Variants in VPS13B observed in about 807,000 individuals in gnomAD.
The protein encoded by VPS13B is intermembrane lipid transfer protein VPS13B.
VPS13B carries 285 observed loss-of-function variants against 426.4 expected under a neutral mutation model. That is an observed-to-expected ratio of 0.67 (90% CI 0.61 to 0.74). The LOEUF is 0.74. Ranked by LOEUF, VPS13B falls within the 30% of genes least tolerant of loss-of-function variation. The pLI is 0.00. For missense variants in VPS13B, 4,537 were observed against 4,782.6 expected, an observed-to-expected ratio of 0.95 and a Z score of 1.51; for synonymous variants, 1,676 against 1,676.4, an observed-to-expected ratio of 1.00 and a Z score of 0.01.
chr8:99,044,896 ACACCAC>A (rs1314716515), intron 3 of VPS13B, among the ~76,000 whole-genome samples: 4 of 103,104 alleles, frequency 3.9e-5, no homozygotes, highest in African/African-American at 1.3e-4. Context: ...ACACACACAC[ACACCAC>A]CCCCCGCCCC....
intron 36 of VPS13B, 129 bp from the exon 37 acceptor site, chr8:99,717,042 G>T: frequency 3.5e-6 from 3 of 863,056 alleles, no homozygotes; most frequent in Non-Finnish European, 5.6e-6. Context: ...AAACGGTGGT[G>T]GACTGCCAAC....
intron 54 of VPS13B, among the ~76,000 whole-genome samples, chr8:99,837,562 G>A (rs148888174): frequency 6.6e-6 from 1 of 152,204 alleles, no homozygotes; most frequent in South Asian, 2.1e-4. Context: ...TTTGTAGTCA[G>A]GGATACTTCA....
intron 21 of VPS13B, among the ~76,000 whole-genome samples, chr8:99,425,026 A>G (rs1427271056): frequency 6.6e-6 from 1 of 152,212 alleles, no homozygotes; most frequent in African/African-American, 2.4e-5. Context: ...AAGAAGTTGC[A>G]TCTCTGAATA....
intron 15 of VPS13B, among the ~76,000 whole-genome samples, chr8:99,163,487 C>G (rs1811798834): frequency 6.6e-6 from 1 of 152,186 alleles, no homozygotes; most frequent in Admixed American, 6.5e-5. Flanking sequence ...GCACAGGAGC[C>G]CATGGAGTGG....
Position 99,556,355 on chromosome 8 carries a change from G to A in VPS13B, c.4746-95G>A, listed in dbSNP as rs191655954. The A allele has an allele frequency of 3.3e-5, 44 of 1,327,144 alleles. No individual in the cohort carries two copies. In the African/African-American group the frequency reaches 6.0e-4, roughly 18 times the overall value. The allele number at this position is 1,327,144 out of a possible 1,614,324, so 82.2% of individuals were successfully genotyped here. ...CATCAGTAATCCAAAGGAAAAAAAT[G>A]GTATTGACACTATGTTAGTGAACAA... On this transcript the variant is annotated intron_variant, in intron 30 of 61. Coordinates refer to ENST00000357162, the MANE Select transcript of VPS13B (RefSeq NM_152564.5).
At chr8:99,308,286 C>T (rs1008102381) in intron 19 of VPS13B, among the ~76,000 whole-genome samples, 1 of 151,914 alleles carries the variant, frequency 6.6e-6, no homozygotes, top group African/African-American at 2.4e-5. Flanking sequence ...CCCATTAACT[C>T]GTCATTTACA....
chr8:99,223,499 G>A (rs1815846531), intron 17 of VPS13B, among the ~76,000 whole-genome samples: 1 of 152,148 alleles, frequency 6.6e-6, no homozygotes. Flanking sequence ...TTAGCGAACA[G>A]AGAAGTAAAC....
At chr8:99,073,961 G>C (rs1844975857) in intron 3 of VPS13B, among the ~76,000 whole-genome samples, 1 of 151,734 alleles carries the variant, frequency 6.6e-6, no homozygotes, top group South Asian at 2.1e-4. Flanking sequence ...TGTAGAGATA[G>C]AGTCTCCCTA....
At chr8:99,499,911 G>C (rs1041275661) in intron 25 of VPS13B, among the ~76,000 whole-genome samples, 1 of 152,118 alleles carries the variant, frequency 6.6e-6, no homozygotes, top group Admixed American at 6.5e-5. Context: ...TCCCCATTGG[G>C]CCTCCTTCTG....
intron 33 of VPS13B, among the ~76,000 whole-genome samples, chr8:99,637,998 T>G (rs192805246): frequency 6.6e-6 from 1 of 152,240 alleles, no homozygotes; most frequent in East Asian, 1.9e-4. Flanking sequence ...TTTGACTGCT[T>G]AAGTACTTGA....
At chr8:99,314,866 A>G (rs988759189) in intron 19 of VPS13B, among the ~76,000 whole-genome samples, 1 of 152,202 alleles carries the variant, frequency 6.6e-6, no homozygotes, top group Non-Finnish European at 1.5e-5. Context: ...TGATCCCCTT[A>G]TTATTATATT....
At chr8:99,175,519 C>T (rs977057217) in intron 16 of VPS13B, among the ~76,000 whole-genome samples, 3 of 152,142 alleles carry the variant, frequency 2.0e-5, no homozygotes, top group Admixed American at 6.5e-5. Context: ...TGGTGGCTCA[C>T]GCCTCTAATT....
intron 34 of VPS13B, among the ~76,000 whole-genome samples, chr8:99,650,579 T>G (rs1829770702): frequency 6.6e-6 from 1 of 152,230 alleles, no homozygotes; most frequent in African/African-American, 2.4e-5. Flanking sequence ...GTACTGTTTT[T>G]TCCTACACAT....
At chr8:99,517,991 A>G (rs1822177860) in intron 29 of VPS13B, among the ~76,000 whole-genome samples, 1 of 152,030 alleles carries the variant, frequency 6.6e-6, no homozygotes, top group Admixed American at 6.6e-5. Context: ...TAATTATTTT[A>G]ATCTAGTTTA....
intron 3 of VPS13B, among the ~76,000 whole-genome samples, chr8:99,065,294 C>T (rs898049562): frequency 7.2e-5 from 11 of 152,166 alleles, no homozygotes; most frequent in African/African-American, 2.7e-4. Flanking sequence ...TCCAGCAGCA[C>T]ATCAAAAAGC....
intron 23 of VPS13B, among the ~76,000 whole-genome samples, chr8:99,454,584 C>T (rs932272270): frequency 6.6e-6 from 1 of 152,140 alleles, no homozygotes; most frequent in Non-Finnish European, 1.5e-5. Flanking sequence ...TTAAATAAAG[C>T]CGCTATATAC....
chr8:99,423,323 C>T (rs1032957898), intron 21 of VPS13B, among the ~76,000 whole-genome samples: 1 of 151,672 alleles, frequency 6.6e-6, no homozygotes, highest in Non-Finnish European at 1.5e-5. Flanking sequence ...GTGGGGCAAA[C>T]TTGACTCACT....
intron 3 of VPS13B, among the ~76,000 whole-genome samples, chr8:99,060,772 A>G (rs1236452589): frequency 6.6e-6 from 1 of 152,164 alleles, no homozygotes; most frequent in Non-Finnish European, 1.5e-5. Flanking sequence ...CTTGTTTGCC[A>G]TAAGTGAAAC....
intron 19 of VPS13B, among the ~76,000 whole-genome samples, chr8:99,373,147 C>T (rs1481402177): frequency 6.6e-6 from 1 of 152,104 alleles, no homozygotes; most frequent in Non-Finnish European, 1.5e-5. Flanking sequence ...CAACATCACA[C>T]ACCGGCACCT....
Sources: gnomAD v4.1 joint callset for allele counts (sites outside exome capture counted in the v4.1 genomes callset) on GRCh38, gnomAD v4.1.1 for gene constraint, MANE v1.5 for transcripts, NCBI Gene and HGNC (gene_info 2026-07-23, HGNC 2026-07-21) for gene names.